Variants in ABCA9 observed in about 807,000 individuals in gnomAD.
ABCA9 encodes the protein ATP binding cassette subfamily A member 9, also known as ATP-binding cassette sub-family A member 9.
ABCA9 carries 183 observed loss-of-function variants against 205.3 expected under a neutral mutation model. The ratio of observed to expected loss-of-function variants is 0.89; its 90% confidence interval spans 0.79 to 1.01. The LOEUF (loss-of-function observed/expected upper bound fraction) is 1.01. ABCA9 is among the 50% of genes least tolerant of loss of function. The pLI, the probability that ABCA9 is intolerant of heterozygous loss-of-function variation, is 0.00. For missense variants in ABCA9, 1,805 were observed against 1,912.4 expected (o/e 0.94, Z 1.05); for synonymous variants, 651 against 683.3 (o/e 0.95, Z 0.74).
chr17:68,982,061 AAACAGAGAC>A lies in ABCA9; in HGVS notation c.4720+492_4720+500del, dbSNP rs373040956. ...AAATGACTTACAGATTAACACACCT[AAACAGAGAC>A]AGGAACCTCCTTATCTGCATCTATC... On this transcript the variant is annotated intron_variant, in intron 37 of 38. Coordinates refer to ENST00000340001, the MANE Select transcript of ABCA9 (RefSeq NM_080283.4). Among the ~76,000 whole-genome samples the A allele has an allele frequency of 1.0e-3, 152 of 152,294 alleles. 1 individual carries two copies. Among genetic ancestry groups the A allele is most frequent in the African/African-American group, 3.4e-3 (143 of 41,562 alleles).
chr17:69,078,091 C>T, the ABCA9 span, among the ~76,000 whole-genome samples: 2 of 152,024 alleles, frequency 1.3e-5, no homozygotes, highest in African/African-American at 2.4e-5. Context: ...ACAAATACTA[C>T]TGTGACTCCC....
In ABCA9 at chr17:69,030,412, G is replaced by T. The variant is rs75061779; in HGVS notation, c.1446-1185C>A. 3.3e-3 allele frequency among the ~76,000 whole-genome samples: 510 copies of T among 152,272 alleles called. 5 individuals are homozygous for T. Among genetic ancestry groups the T allele is most frequent in the African/African-American group, 0.012 (483 of 41,550 alleles). On this transcript the variant is annotated intron_variant, in intron 10 of 38. Transcript: ENST00000340001. ...TAAATACACTAGTTCCAGCAGGAAG[G>T]CCCCACCCTCATGATCTCATCTAAC... is the stretch of plus-strand genomic sequence containing the variant.
chr17:69,044,660 AC>A lies in ABCA9; in HGVS notation c.470-61del, dbSNP rs2071652627. The A allele has an allele frequency of 2.7e-6, 4 of 1,491,828 alleles. No individual in the cohort carries two copies. In the East Asian group the frequency reaches 6.9e-5, roughly 26 times the overall value. The allele number at this position is 1,491,828 out of a possible 1,614,324, so 92.4% of individuals were successfully genotyped here. A position where few individuals can be genotyped will look rare whatever the true frequency, so the allele number is the denominator to read the frequency against. On this transcript the variant is annotated intron_variant, in intron 4 of 38. Transcript: ENST00000340001. ...GATACAATCTTGGCTACAGAAAAAA[AC>A]AAAATTTCAAATGTTTCAAAATGCA...
At chr17:69,000,032 T>C (rs1160453649) in intron 25 of ABCA9, among the ~76,000 whole-genome samples, 1 of 152,140 alleles carries the variant, frequency 6.6e-6, no homozygotes, top group African/African-American at 2.4e-5. Context: ...ATTAGCCCTT[T>C]GTCAGATGAG....
At chr17:69,064,160 T>C (rs1195468414), upstream of ABCA9, among the ~76,000 whole-genome samples, 1 of 152,260 alleles carries the variant, frequency 6.6e-6, no homozygotes, top group Non-Finnish European at 1.5e-5. Context: ...CCAGTCATCT[T>C]ATTTTATGGT....
chr17:69,076,805 T>C, the ABCA9 span, among the ~76,000 whole-genome samples: 43 of 152,170 alleles, frequency 2.8e-4, no homozygotes, highest in Non-Finnish European at 5.1e-4. Flanking sequence ...CATAGAGGTG[T>C]TCATAATAGT....
At chr17:69,053,378 CTA>C (rs1303223330) in intron 1 of ABCA9, among the ~76,000 whole-genome samples, 2 of 152,172 alleles carry the variant, frequency 1.3e-5, no homozygotes. Context: ...CCCATCACCC[CTA>C]TGACTCAGGA....
chr17:69,041,063 A>C (rs1011361592), intron 6 of ABCA9, among the ~76,000 whole-genome samples: 6 of 152,182 alleles, frequency 3.9e-5, no homozygotes, highest in Non-Finnish European at 7.3e-5. Context: ...AGGAAAATTA[A>C]ATGAAATTAT....
At chr17:69,073,951 C>T in the ABCA9 span, among the ~76,000 whole-genome samples, 15,681 of 152,064 alleles carry the variant, frequency 0.1, 2,725 homozygotes, top group African/African-American at 0.36. Context: ...ATCTTCCCAC[C>T]TCATCCTCCC....
intron 23 of ABCA9, among the ~76,000 whole-genome samples, chr17:69,009,834 TGAGA>T (rs1381749529): frequency 3.3e-5 from 5 of 152,090 alleles, no homozygotes; most frequent in Non-Finnish European, 2.9e-5. Context: ...GCTATGAAGA[TGAGA>T]GAGAAAGAAA....
chr17:68,990,136 T>G (rs775837989), intron 29 of ABCA9, among the ~76,000 whole-genome samples: 4 of 152,206 alleles, frequency 2.6e-5, no homozygotes, highest in Non-Finnish European at 5.9e-5. Flanking sequence ...GATTTGTTCT[T>G]TGGAGAGCAG....
At chr17:69,052,384 T>C (rs1386023164) in intron 1 of ABCA9, among the ~76,000 whole-genome samples, 1 of 151,326 alleles carries the variant, frequency 6.6e-6, no homozygotes, top group Non-Finnish European at 1.5e-5. Flanking sequence ...CAAAAACAAA[T>C]AGAAAAAATT....
At chr17:69,048,380 C>T (rs924306956) in intron 3 of ABCA9, among the ~76,000 whole-genome samples, 1 of 151,988 alleles carries the variant, frequency 6.6e-6, no homozygotes, top group African/African-American at 2.4e-5. Context: ...AACGGTAAAA[C>T]GGTTAGTTAT....
At chr17:69,036,870 G>GAAAAAAAAAAA (rs1567963217) in intron 6 of ABCA9, among the ~76,000 whole-genome samples, 1 of 2,488 alleles carries the variant, frequency 4.0e-4, no homozygotes, top group African/African-American at 1.6e-3. Context: ...TAAATGGAAA[G>GAAAAAAAAAAA]CAAAAAAAAA....
chr17:69,050,249 C>A (rs1342150910), intron 2 of ABCA9, among the ~76,000 whole-genome samples: 1 of 151,756 alleles, frequency 6.6e-6, no homozygotes, highest in Non-Finnish European at 1.5e-5. Flanking sequence ...TTTATATAAT[C>A]TTTTCCCTAT....
At chr17:69,027,207 T>G in intron 14 of ABCA9, 93 bp from the exon 15 acceptor site, 1 of 1,569,840 alleles carries the variant, frequency 6.4e-7, no homozygotes, top group Non-Finnish European at 8.6e-7. Context: ...GGGAGAAACT[T>G]GTTAGTACTT....
At chr17:68,982,073 G>A (rs552127996) in intron 37 of ABCA9, among the ~76,000 whole-genome samples, 1 of 152,210 alleles carries the variant, frequency 6.6e-6, no homozygotes, top group African/African-American at 2.4e-5. Context: ...ACAGAGACAG[G>A]AACCTCCTTA....
At chr17:69,061,188 G>A (rs1238232173), upstream of ABCA9, 1 of 979,782 alleles carries the variant, frequency 1.0e-6, no homozygotes, top group Non-Finnish European at 1.2e-6. Context: ...TCAAACCAAG[G>A]AGAATCTAGC....
Position 69,033,840 on chromosome 17 carries a change from C to T in ABCA9, c.1162G>A (p.Ala388Thr), listed in dbSNP as rs1328942270. The change falls in exon 9 of 39, where the codon GCC becomes ACC. Residue 388 changes from alanine to threonine, a missense_variant. Ala to Thr is a moderately conservative substitution (Grantham distance 58). Coordinates refer to ENST00000340001, the MANE Select transcript of ABCA9 (RefSeq NM_080283.4). ...GGATTTTGTGAAGAATCCAAGTGGG[C>T]ATTAGAATTCACATCATAGTCCAAA... ...IHLDYDVNSN[A>T]HLDSSQNPYL... 1.2e-6 allele frequency: 2 copies of T among 1,605,256 alleles called. No individual in the cohort carries two copies. The highest frequency in any genetic ancestry group is 2.2e-5 in the East Asian group (1 of 44,652).
Sources: gnomAD v4.1 joint callset for allele counts (sites outside exome capture counted in the v4.1 genomes callset) on GRCh38, gnomAD v4.1.1 for gene constraint, MANE v1.5 for transcripts, NCBI Gene and HGNC (gene_info 2026-07-23, HGNC 2026-07-21) for gene names.